The following KAZN variants were observed in gnomAD, a reference collection of about 807,000 sequenced individuals.
KAZN encodes kazrin.
A neutral mutation model predicts 87.4 loss-of-function variants in KAZN; 40 were observed. The ratio of observed to expected loss-of-function variants is 0.46; its 90% CI spans 0.36 to 0.60. KAZN has a LOEUF of 0.60. Among genes scored for constraint, KAZN ranks in the 20% least tolerant of loss-of-function variants. The pLI, the probability that KAZN is intolerant of heterozygous loss-of-function variation, is 0.00. For synonymous variants in KAZN, 466 were observed against 458.3 expected (o/e 1.02, Z -0.22); for missense variants, 898 against 1,073.9 (o/e 0.84, Z 2.29).
At position 14,396,117 on chromosome 1, in the gene KAZN, G is replaced by A. The variant is rs982840401; in HGVS notation, c.250-202866G>A. Among the ~76,000 whole-genome samples the A allele has an allele frequency of 2.0e-5, 3 of 146,618 alleles. No homozygotes were observed. The South Asian group carries it at 6.5e-4, about 32-fold the overall frequency. On this transcript the variant is annotated intron_variant, in intron 2 of 16. Coordinates refer to the KAZN transcript ENST00000636203. ...CGGGAGGCAAAGGTTGCAGTGAGCCGAGACCGCACCACTGCTCTCCAGCCT... is the reference window on the plus strand; with the variant it reads ...CGGGAGGCAAAGGTTGCAGTGAGCCAAGACCGCACCACTGCTCTCCAGCCT...
intron 1 of KAZN, among the ~76,000 whole-genome samples, chr1:14,893,679 T>G (rs1654964805): frequency 1.3e-5 from 2 of 152,122 alleles, no homozygotes; most frequent in South Asian, 4.2e-4. Context: ...TCACCCTTGG[T>G]CTCAGACCCT....
intron 1 of KAZN, among the ~76,000 whole-genome samples, chr1:14,705,300 T>C (rs1229555458): frequency 2.0e-5 from 3 of 152,168 alleles, no homozygotes; most frequent in Non-Finnish European, 4.4e-5. Flanking sequence ...AGGCCTTATG[T>C]CCAAGAGAGA....
intron 1 of KAZN, among the ~76,000 whole-genome samples, chr1:14,871,994 G>T (rs564765417): frequency 4.6e-5 from 7 of 152,210 alleles, no homozygotes; most frequent in African/African-American, 7.2e-5. Context: ...GAAGAAGGGG[G>T]CATGAATATG....
At chr1:14,720,044 T>C (rs1393951654) in intron 1 of KAZN, among the ~76,000 whole-genome samples, 1 of 152,054 alleles carries the variant, frequency 6.6e-6, no homozygotes, top group African/African-American at 2.4e-5. Context: ...CCTGTGTAGA[T>C]GACACAGCTA....
Position 14,988,371 on chromosome 1 carries a change from T to C in KAZN, c.418+27496T>C, listed in dbSNP as rs192685763. On this transcript the variant is annotated intron_variant, in intron 2 of 14. Coordinates refer to ENST00000376030, the MANE Select transcript of KAZN (RefSeq NM_201628.3). ...CACGGAGCCCCCAGGGGCATCTCTG[T>C]TTTCTCTCCCCACCCTGCTGGCTCA... 2.0e-5 allele frequency among the ~76,000 whole-genome samples: 3 copies of C among 152,280 alleles called. No individual in the cohort carries two copies. In the East Asian group the frequency reaches 5.8e-4, roughly 30 times the overall value.
chr1:14,863,042 G>A (rs1239929792), intron 1 of KAZN, among the ~76,000 whole-genome samples: 3 of 150,214 alleles, frequency 2.0e-5, no homozygotes, highest in Non-Finnish European at 4.4e-5. Context: ...TCCATTTATG[G>A]ATTATTTCAC....
intron 1 of KAZN, among the ~76,000 whole-genome samples, chr1:13,978,495 A>AATATATAT (rs144800375): frequency 6.8e-6 from 1 of 147,512 alleles, no homozygotes; most frequent in Non-Finnish European, 1.5e-5. Flanking sequence ...TATAGAGATA[A>AATATATAT]ATATATATAT....
At position 14,384,588 on chromosome 1, in the gene KAZN, CT is replaced by C. The variant is rs1294707423; in HGVS notation, c.249+203999del. On this transcript the variant is annotated intron_variant, in intron 2 of 16. Transcript: ENST00000636203. ...ATTGAGATAATCATGTGGTTTTTGT[CT>C]TTGGTTCTGTTTATATGCTGGATTA... is the stretch of plus-strand genomic sequence containing the variant. Among the ~76,000 whole-genome samples the C allele has an allele frequency of 2.6e-5, 4 of 152,190 alleles. No homozygotes were observed. The East Asian group carries it at 7.7e-4, about 29-fold the overall frequency.
rs541057343 is a variant in KAZN at position 14,491,637 on chromosome 1, T to C, written c.250-107346T>C. On this transcript the variant is annotated intron_variant, in intron 2 of 16. Transcript: ENST00000636203. ...GATATTATTTGTCATGCTGATTAAG[T>C]GGACTTGCATTCCTAGCTTTCAAAG... is the stretch of plus-strand genomic sequence containing the variant. Among the ~76,000 whole-genome samples, 22 of 152,328 alleles carry C rather than the reference T, an allele frequency of 1.4e-4. No individual in the cohort carries two copies. The Middle Eastern group carries it at 0.014, about 94-fold the overall frequency.
At chr1:14,169,298 TCTCCC>T (rs779783700) in intron 1 of KAZN, among the ~76,000 whole-genome samples, 5 of 152,146 alleles carry the variant, frequency 3.3e-5, no homozygotes, top group African/African-American at 9.6e-5. Context: ...TCTCCTCTTC[TCTCCC>T]CTCCCCTCCC....
intron 1 of KAZN, among the ~76,000 whole-genome samples, chr1:14,903,211 A>G (rs1056218889): frequency 6.6e-6 from 1 of 152,096 alleles, no homozygotes; most frequent in African/African-American, 2.4e-5. Context: ...CCCACTTAGG[A>G]TGCCAAGTAT....
intron 1 of KAZN, among the ~76,000 whole-genome samples, chr1:14,952,240 C>G (rs1662573421): frequency 6.9e-6 from 1 of 143,916 alleles, no homozygotes; most frequent in Non-Finnish European, 1.5e-5. Flanking sequence ...TTCTTTCCCA[C>G]TGTGTGTGTG....
chr1:14,743,730 A>G (rs1195752524), intron 1 of KAZN, among the ~76,000 whole-genome samples: 3 of 152,030 alleles, frequency 2.0e-5, no homozygotes, highest in African/African-American at 7.2e-5. Context: ...CTCACCCTCC[A>G]CTACTCCCTG....
intron 2 of KAZN, among the ~76,000 whole-genome samples, chr1:14,385,047 G>T (rs1272403838): frequency 1.0e-3 from 158 of 151,618 alleles, no homozygotes; most frequent in Non-Finnish European, 1.8e-3. Context: ...AGTCTTGGGA[G>T]AGTGTATGTG....
chr1:14,271,385 T>C (rs549367716), intron 2 of KAZN, among the ~76,000 whole-genome samples: 1 of 152,314 alleles, frequency 6.6e-6, no homozygotes, highest in South Asian at 2.1e-4. Context: ...TGAAGAAGTC[T>C]CTTAGCTACC....
At chr1:15,046,657 G>A (rs1192791737) in intron 4 of KAZN, among the ~76,000 whole-genome samples, 1 of 152,206 alleles carries the variant, frequency 6.6e-6, no homozygotes, top group Non-Finnish European at 1.5e-5. Context: ...CAGGCCCCAG[G>A]ACAGGCCGGG....
intron 2 of KAZN, among the ~76,000 whole-genome samples, chr1:14,419,486 G>T (rs1024679303): frequency 6.6e-5 from 10 of 152,160 alleles, no homozygotes; most frequent in Non-Finnish European, 1.5e-4. Flanking sequence ...CCTCTTCCCT[G>T]GACTTACCAG....
intron 1 of KAZN, among the ~76,000 whole-genome samples, chr1:14,765,704 C>T (rs1276644901): frequency 1.3e-5 from 2 of 152,146 alleles, no homozygotes; most frequent in African/African-American, 4.8e-5. Context: ...AGTGCCTCAG[C>T]CAGGCTGATG....
At chr1:14,899,556 A>C (rs752449472) in intron 1 of KAZN, among the ~76,000 whole-genome samples, 2 of 152,220 alleles carry the variant, frequency 1.3e-5, no homozygotes, top group Non-Finnish European at 2.9e-5. Flanking sequence ...TTTTGTCTGC[A>C]TATCTGACTT....
Sources: allele counts gnomAD v4.1 joint callset (sites outside exome capture counted in the v4.1 genomes callset), GRCh38; gene constraint gnomAD v4.1.1; transcripts MANE v1.5; gene names NCBI Gene and HGNC (gene_info 2026-07-23, HGNC 2026-07-21).